The following SUGP1 variants were observed in gnomAD, a reference collection of about 807,000 sequenced individuals.
SUGP1 encodes the protein SURP and G-patch domain containing 1, also known as SURP and G-patch domain-containing protein 1.
A neutral mutation model predicts 76.5 loss-of-function variants in SUGP1; 34 were observed. The ratio of observed to expected loss-of-function variants is 0.44; its 90% CI spans 0.34 to 0.59. The LOEUF is 0.59. SUGP1 is among the 20% of genes least tolerant of loss of function. The probability of loss-of-function intolerance (pLI) is 0.01; values close to 1 mark genes in which losing one functional copy is unlikely to be tolerated. For synonymous variants in SUGP1, 326 were observed against 326.2 expected (o/e 1.00, Z 0.01); for missense variants, 752 against 851.7 (o/e 0.88, Z 1.46).
At chr19:19,302,211 G>A in intron 7 of SUGP1, 54 bp downstream of exon 7, 1 of 1,607,348 alleles carries the variant, frequency 6.2e-7, no homozygotes, top group South Asian at 1.1e-5. Context: ...GTCCTCCCCT[G>A]CAGGGGGACT....
Position 19,279,337 on chromosome 19 carries a change from C to T in SUGP1, c.1404G>A (p.Met468Ile). The T allele has an allele frequency of 2.5e-6, 4 of 1,610,668 alleles. No homozygotes were observed. Among genetic ancestry groups the T allele is most frequent in the Non-Finnish European group, 3.4e-6 (4 of 1,179,820 alleles). ...GGACTGCCTTCTCCCACAGCAGCTG[C>T]ATGTCCTGCATGGCCCGCTTGTGCT... ...IMQHKRAMQD[M>I]QLLWEKAVQQ... The change falls in exon 10 of 14, where the codon ATG (methionine) becomes ATA (isoleucine). Residue 468 changes from methionine to isoleucine, a missense_variant. Met to Ile is a conservative substitution (Grantham distance 10). Around this residue, in one of 2 missense-constraint regions of SUGP1, gnomAD observed 620 missense variants for 617.3 expected, o/e 1.00. Transcript: ENST00000247001.
chr19:19,296,441 T>C (rs1353387043), intron 8 of SUGP1, among the ~76,000 whole-genome samples: 3 of 151,950 alleles, frequency 2.0e-5, no homozygotes, highest in African/African-American at 7.3e-5. Context: ...GGTCAGGAGA[T>C]AGAGACCATC....
chr19:19,287,200 C>T (rs767915264), intron 8 of SUGP1, among the ~76,000 whole-genome samples: 1 of 151,986 alleles, frequency 6.6e-6, no homozygotes, highest in East Asian at 1.9e-4. Context: ...GACCCCAGAG[C>T]GCAGAGGCTG....
intron 4 of SUGP1, among the ~76,000 whole-genome samples, chr19:19,305,226 G>A (rs930336256): frequency 7.2e-5 from 11 of 151,974 alleles, no homozygotes; most frequent in Non-Finnish European, 1.2e-4. Context: ...TGACCTCACC[G>A]GCTAGCCCTT....
intron 2 of SUGP1, among the ~76,000 whole-genome samples, chr19:19,314,193 G>A (rs953987453): frequency 1.3e-5 from 2 of 151,566 alleles, no homozygotes; most frequent in African/African-American, 4.8e-5. Flanking sequence ...GCATCGTGGC[G>A]CACACTGGTA....
Position 19,316,513 on chromosome 19 carries a change from T to C in SUGP1, c.115A>G (p.Ile39Val). ...TCAATTTCCCGTTTCTTCTGAGCGA[T>C]GAGCTCTTCCTGGTGAAGGATGTTC... ...NMNILHQEEL[I>V]AQKKREIEAK... The change falls in exon 2 of 14, where the codon ATC becomes GTC. Residue 39 changes from isoleucine to valine, a missense_variant. By Grantham distance (29) the Ile-to-Val change is conservative (BLOSUM62 3). This residue lies in a region of SUGP1 where 620 missense variants were observed against 617.3 expected (regional missense o/e 1.00). Coordinates refer to ENST00000247001, the MANE Select transcript of SUGP1 (RefSeq NM_172231.4). 2.5e-6 allele frequency: 4 copies of C among 1,613,968 alleles called. No individual in the cohort carries two copies. The highest frequency in any genetic ancestry group is 2.5e-6 in the Non-Finnish European group (3 of 1,180,018).
Position 19,303,765 on chromosome 19 carries a change from T to G in SUGP1, c.621A>C (p.Glu207Asp), listed in dbSNP as rs753267233. 6.2e-7 allele frequency: 1 copy of G among 1,614,120 alleles called. No individual in the cohort carries two copies. The highest frequency in any genetic ancestry group is 2.2e-5 in the East Asian group (1 of 44,900). ...RFVAEGGPEL[E>D]KVAMEDYKDN... ...CCTTGTAGTCCTCCATAGCTACTTT[T>G]TCTAACTCGGGGCCTCCTTCTGCCA... The change falls in exon 5 of 14, where the codon GAA (glutamate) becomes GAC (aspartate). Residue 207 changes from glutamate to aspartate, a missense_variant. Around this residue, in one of 2 missense-constraint regions of SUGP1, gnomAD observed 620 missense variants for 617.3 expected, o/e 1.00. Coordinates refer to ENST00000247001, the MANE Select transcript of SUGP1 (RefSeq NM_172231.4).
chr19:19,300,340 T>A (rs902067553), intron 7 of SUGP1, among the ~76,000 whole-genome samples: 3 of 152,210 alleles, frequency 2.0e-5, no homozygotes, highest in Non-Finnish European at 4.4e-5. Context: ...CCTCCCAAAG[T>A]GCTGGGATTA....
At chr19:19,306,969 T>C (rs935143264) in intron 3 of SUGP1, among the ~76,000 whole-genome samples, 2 of 151,962 alleles carry the variant, frequency 1.3e-5, no homozygotes, top group African/African-American at 4.8e-5. Flanking sequence ...CATCATGAAA[T>C]TGGCCAGCTC....
intron 1 of SUGP1, among the ~76,000 whole-genome samples, chr19:19,318,121 T>TTTTTTTTC (rs2061408681): frequency 7.0e-6 from 1 of 143,732 alleles, no homozygotes; most frequent in Admixed American, 6.9e-5. Context: ...TTCTTTTTTT[T>TTTTTTTTC]TTTTTTTTTT....
chr19:19,280,438 C>T lies in SUGP1; in HGVS notation c.1244-147G>A, dbSNP rs1053296844. 33 of 709,044 alleles carry T rather than the reference C, an allele frequency of 4.7e-5. 1 individual carries two copies. Among genetic ancestry groups the T allele is most frequent in the African/African-American group, 4.2e-4 (24 of 56,540 alleles). 43.9% of individuals were successfully genotyped at this position (709,044 alleles called of 1,614,324 possible). A position where few individuals can be genotyped will look rare whatever the true frequency, so the allele number is the denominator to read the frequency against. Reference sequence around the variant, plus strand: ...TCATTACTGTCAGTGCCACGTGGTACGTGACGGCCTCGGGGTCCCGCTGTG... The same window carrying T: ...TCATTACTGTCAGTGCCACGTGGTATGTGACGGCCTCGGGGTCCCGCTGTG... On this transcript the variant is annotated intron_variant, in intron 8 of 13. Coordinates refer to ENST00000247001, the MANE Select transcript of SUGP1 (RefSeq NM_172231.4).
intron 9 of SUGP1, 129 bp downstream of exon 9, chr19:19,280,056 C>A: frequency 1.1e-6 from 1 of 887,472 alleles, no homozygotes; most frequent in Non-Finnish European, 1.7e-6. Context: ...CCCCGCTGGC[C>A]ATGGGTTCCA....
intron 8 of SUGP1, among the ~76,000 whole-genome samples, chr19:19,295,362 T>C (rs1378083252): frequency 6.6e-6 from 1 of 151,648 alleles, no homozygotes; most frequent in Non-Finnish European, 1.5e-5. Context: ...CCCAGCACTT[T>C]GGGAGGCTAA....
chr19:19,317,744 T>C (rs112689501), intron 1 of SUGP1, among the ~76,000 whole-genome samples: 4 of 151,694 alleles, frequency 2.6e-5, no homozygotes, highest in African/African-American at 9.7e-5. Flanking sequence ...GTCTCAAACA[T>C]TCTTTCCACC....
intron 8 of SUGP1, among the ~76,000 whole-genome samples, chr19:19,286,050 C>T (rs550790920): frequency 5.3e-5 from 8 of 152,306 alleles, no homozygotes; most frequent in Non-Finnish European, 8.8e-5. Context: ...TGGTGGCTCA[C>T]GCCTGTAATC....
chr19:19,320,174 G>A (rs961797117), intron 1 of SUGP1, among the ~76,000 whole-genome samples: 1 of 152,228 alleles, frequency 6.6e-6, no homozygotes, highest in Middle Eastern at 3.2e-3. Flanking sequence ...ATTGGGGAAC[G>A]GAGGTTGGAG....
chr19:19,276,879 A>G, intron 13 of SUGP1, 68 bp downstream of exon 13: 2 of 1,592,550 alleles, frequency 1.3e-6, no homozygotes, highest in African/African-American at 1.3e-5. Flanking sequence ...GAAGGAAGGG[A>G]GCCTTCTGTT....
chr19:19,290,854 C>T (rs2061176664), intron 8 of SUGP1, among the ~76,000 whole-genome samples: 1 of 151,892 alleles, frequency 6.6e-6, no homozygotes, highest in Non-Finnish European at 1.5e-5. Context: ...TGTGGTGGCT[C>T]ACGCCAGTAA....
chr19:19,319,250 G>C (rs1342053748), intron 1 of SUGP1, among the ~76,000 whole-genome samples: 2 of 151,868 alleles, frequency 1.3e-5, no homozygotes. Context: ...ATTCTAAAAG[G>C]CCATTTTCAA....
Sources: allele counts gnomAD v4.1 joint callset (sites outside exome capture counted in the v4.1 genomes callset), GRCh38; gene constraint gnomAD v4.1.1; regional missense constraint gnomAD v4.1.1; transcripts MANE v1.5; gene names NCBI Gene and HGNC (gene_info 2026-07-23, HGNC 2026-07-21).